Variants in CPA6 observed in about 807,000 individuals in gnomAD.
The protein encoded by CPA6 is carboxypeptidase B.
CPA6 carries 58 observed loss-of-function variants against 63.3 expected under a neutral mutation model. The ratio of observed to expected loss-of-function variants is 0.92; its 90% CI spans 0.74 to 1.14. The LOEUF is 1.14. CPA6 is among the 50% of genes most tolerant of loss of function. The pLI, the probability that CPA6 is intolerant of heterozygous loss-of-function variation, is 0.00. For missense variants in CPA6, 565 were observed against 526.6 expected (o/e 1.07, Z -0.71); for synonymous variants, 185 against 179.0 (o/e 1.03, Z -0.27).
At chr8:67,649,881 G>A (rs1353049474) in intron 1 of CPA6, among the ~76,000 whole-genome samples, 7 of 152,094 alleles carry the variant, frequency 4.6e-5, no homozygotes, top group African/African-American at 1.2e-4. Context: ...AAGGGAAAGC[G>A]GCAAAGTGAC....
intron 1 of CPA6, among the ~76,000 whole-genome samples, chr8:67,634,386 T>G (rs1341927730): frequency 6.6e-6 from 1 of 150,952 alleles, no homozygotes; most frequent in Non-Finnish European, 1.5e-5. Flanking sequence ...GCCCGGCTAA[T>G]TTTTTGTATT....
chr8:67,496,519 T>TTTTATATATATA (rs1483713208), intron 6 of CPA6, among the ~76,000 whole-genome samples: 3 of 94,142 alleles, frequency 3.2e-5, no homozygotes, highest in East Asian at 6.5e-4. Flanking sequence ...ACTATATAGT[T>TTTTATATATATA]TATATATATA....
chr8:67,595,118 G>A (rs1392313080), intron 2 of CPA6, among the ~76,000 whole-genome samples: 2 of 152,170 alleles, frequency 1.3e-5, no homozygotes, highest in East Asian at 3.9e-4. Context: ...CTCAGCTGCA[G>A]GTCTGTTGGA....
intron 2 of CPA6, among the ~76,000 whole-genome samples, chr8:67,584,176 C>T (rs1008364516): frequency 1.6e-4 from 25 of 151,910 alleles, no homozygotes; most frequent in African/African-American, 5.6e-4. Flanking sequence ...AAGAAAAAAA[C>T]AAACAAAAAA....
At chr8:67,461,603 A>T (rs28399701) in intron 8 of CPA6, among the ~76,000 whole-genome samples, 6 of 152,316 alleles carry the variant, frequency 3.9e-5, no homozygotes, top group Admixed American at 1.3e-4. Flanking sequence ...GGTGGTGGCC[A>T]GGCAGAGGGT....
chr8:67,658,901 C>T (rs1435673522), intron 1 of CPA6, among the ~76,000 whole-genome samples: 1 of 152,156 alleles, frequency 6.6e-6, no homozygotes, highest in East Asian at 1.9e-4. Flanking sequence ...CTCTCTCATT[C>T]TCTTTTGTCT....
intron 1 of CPA6, among the ~76,000 whole-genome samples, chr8:67,631,526 G>A (rs184703747): frequency 5.0e-4 from 76 of 152,034 alleles, no homozygotes; most frequent in Non-Finnish European, 8.1e-4. Flanking sequence ...AATCAGCACC[G>A]TCAAAACGGA....
At chr8:67,423,296 G>A (rs1208956105) in intron 10 of CPA6, among the ~76,000 whole-genome samples, 5 of 152,182 alleles carry the variant, frequency 3.3e-5, no homozygotes, top group East Asian at 1.9e-4. Flanking sequence ...TGTTGACCAC[G>A]TTGGCCTTGA....
At chr8:67,423,742 A>C (rs986265708) in intron 10 of CPA6, among the ~76,000 whole-genome samples, 5 of 152,112 alleles carry the variant, frequency 3.3e-5, no homozygotes, top group Non-Finnish European at 4.4e-5. Context: ...TTCCTTTTCT[A>C]GTTCTCTACT....
intron 1 of CPA6, among the ~76,000 whole-genome samples, chr8:67,684,910 TC>T (rs1356968548): frequency 1.3e-5 from 2 of 152,144 alleles, no homozygotes; most frequent in Non-Finnish European, 2.9e-5. Context: ...GCCAGAATCC[TC>T]CCTTCCCTCT....
intron 1 of CPA6, among the ~76,000 whole-genome samples, chr8:67,740,433 G>A (rs1817890154): frequency 6.6e-6 from 1 of 152,198 alleles, no homozygotes; most frequent in South Asian, 2.1e-4. Context: ...AGCCAGAGAG[G>A]TAAGGTAGAA....
intron 1 of CPA6, among the ~76,000 whole-genome samples, chr8:67,632,294 C>G (rs766781204): frequency 2.0e-5 from 3 of 151,892 alleles, no homozygotes; most frequent in Non-Finnish European, 4.4e-5. Flanking sequence ...CCTCAGCCTT[C>G]CAAGTAGCTG....
At position 67,488,700 on chromosome 8, in the gene CPA6, C is replaced by A. The variant is rs1397687228; in HGVS notation, c.637-3911G>T. On this transcript the variant is annotated intron_variant, in intron 6 of 10. Coordinates refer to ENST00000297770, the MANE Select transcript of CPA6 (RefSeq NM_020361.5). ...CTATCCATGAGCATGGAATGTTCTTCCATTTGTTTGTGTCCTCTTTTATTT... is the reference window on the plus strand; with the variant it reads ...CTATCCATGAGCATGGAATGTTCTTACATTTGTTTGTGTCCTCTTTTATTT... Among the ~76,000 whole-genome samples, 3 of 152,264 alleles carry A rather than the reference C, an allele frequency of 2.0e-5. No individual in the cohort carries two copies. The East Asian group carries it at 5.8e-4, about 29-fold the overall frequency.
intron 1 of CPA6, among the ~76,000 whole-genome samples, chr8:67,701,400 T>C (rs1817021893): frequency 6.6e-6 from 1 of 152,210 alleles, no homozygotes; most frequent in South Asian, 2.1e-4. Context: ...ACAGGTAATA[T>C]TTAAATCTGA....
chr8:67,473,678 G>A (rs961141035), intron 8 of CPA6, among the ~76,000 whole-genome samples: 1 of 152,086 alleles, frequency 6.6e-6, no homozygotes, highest in Non-Finnish European at 1.5e-5. Flanking sequence ...GATCTTGGCT[G>A]ACTGCAACCT....
At chr8:67,572,151 C>G (rs1348298182) in intron 2 of CPA6, among the ~76,000 whole-genome samples, 3 of 152,176 alleles carry the variant, frequency 2.0e-5, no homozygotes, top group Admixed American at 6.6e-5. Context: ...TCTGAACAGA[C>G]TGATAATGGA....
intron 1 of CPA6, among the ~76,000 whole-genome samples, chr8:67,653,829 A>G (rs1587673553): frequency 1.3e-5 from 2 of 152,046 alleles, no homozygotes; most frequent in African/African-American, 4.8e-5. Context: ...CAGTTTTTAG[A>G]GGGAATGCTT....
intron 8 of CPA6, among the ~76,000 whole-genome samples, chr8:67,447,865 AC>A (rs1307672141): frequency 1.3e-5 from 2 of 152,170 alleles, no homozygotes; most frequent in Non-Finnish European, 2.9e-5. Context: ...GCTCACTGCA[AC>A]CACTACCTCC....
intron 1 of CPA6, among the ~76,000 whole-genome samples, chr8:67,676,243 A>T (rs1391528616): frequency 6.6e-6 from 1 of 152,174 alleles, no homozygotes; most frequent in Non-Finnish European, 1.5e-5. Flanking sequence ...ACAATTTATA[A>T]ATATGGAGAG....
Sources: allele counts gnomAD v4.1 joint callset (sites outside exome capture counted in the v4.1 genomes callset), GRCh38; gene constraint gnomAD v4.1.1; transcripts MANE v1.5; gene names NCBI Gene and HGNC (gene_info 2026-07-23, HGNC 2026-07-21).